Variants in PRAG1 observed in about 807,000 individuals in gnomAD.
The protein encoded by PRAG1 is inactive tyrosine-protein kinase PRAG1.
In PRAG1, 110 loss-of-function variants were observed where a neutral mutation model predicts 95.6. The observed-to-expected ratio is 1.15, with a 90% CI of 0.99 to 1.35. PRAG1 has a LOEUF of 1.35. Ranked by LOEUF, PRAG1 falls within the 40% of genes most tolerant of loss-of-function variation. The probability of loss-of-function intolerance (pLI) is 0.00; values close to 1 mark genes in which losing one functional copy is unlikely to be tolerated. For missense variants in PRAG1, 2,554 were observed against 1,864.7 expected (o/e 1.37, Z -6.81); for synonymous variants, 1,052 against 819.4 (o/e 1.28, Z -4.85).
chr8:8,354,989 C>T (rs557127564), intron 3 of PRAG1, among the ~76,000 whole-genome samples: 7 of 151,916 alleles, frequency 4.6e-5, no homozygotes, highest in African/African-American at 9.6e-5. Flanking sequence ...TAAAATTATC[C>T]GTATTTACAG....
At chr8:8,362,251 G>GCACC (rs1707944079) in intron 3 of PRAG1, among the ~76,000 whole-genome samples, 1 of 152,190 alleles carries the variant, frequency 6.6e-6, no homozygotes, top group South Asian at 2.1e-4. Context: ...ACCACAGGTA[G>GCACC]CACCCACCCA....
intron 3 of PRAG1, among the ~76,000 whole-genome samples, chr8:8,358,714 G>T (rs577067289): frequency 6.6e-6 from 1 of 152,218 alleles, no homozygotes; most frequent in Non-Finnish European, 1.5e-5. Flanking sequence ...ATCCTGCCAC[G>T]AGAGCACACT....
chr8:8,382,987 A>G (rs1800734017), intron 1 of PRAG1, among the ~76,000 whole-genome samples: 7 of 152,184 alleles, frequency 4.6e-5, no homozygotes, highest in Admixed American at 4.6e-4. Flanking sequence ...CATAAGGAGA[A>G]TGTTCAAGAG....
At chr8:8,364,788 G>C (rs1051068775) in intron 3 of PRAG1, among the ~76,000 whole-genome samples, 2 of 151,840 alleles carry the variant, frequency 1.3e-5, no homozygotes, top group Admixed American at 1.3e-4. Context: ...TCAATATTTA[G>C]CGATCAAATG....
intron 3 of PRAG1, among the ~76,000 whole-genome samples, chr8:8,346,698 CG>C (rs951558750): frequency 6.6e-6 from 1 of 152,182 alleles, no homozygotes; most frequent in African/African-American, 2.4e-5. Flanking sequence ...TTAACGGATG[CG>C]GGGCCCCAGT....
In PRAG1 at chr8:8,381,549, A is replaced by G. The variant is rs763504095; in HGVS notation, c.199T>C (p.Cys67Arg). 6.2e-7 allele frequency: 1 copy of G among 1,614,182 alleles called. No homozygotes were observed. The highest frequency in any genetic ancestry group is 8.5e-7 in the Non-Finnish European group (1 of 1,180,010). ...TTCACACCTTCATCTTCCAGGCGGC[A>G]GTTCTCAGGCCTGGGAGGCAGGCGC... The part of the protein sequence containing the change: ...PPRLPPRPEN[C>R]RLEDEGVNSS... Residue 67 changes from cysteine to arginine, a missense_variant, in exon 2 of 6, where the codon TGC becomes CGC. Coordinates refer to ENST00000615670, the MANE Select transcript of PRAG1 (RefSeq NM_001080826.3).
chr8:8,377,901 G>C lies in PRAG1; in HGVS notation c.508C>G (p.Arg170Gly). 1.2e-6 allele frequency: 2 copies of C among 1,614,072 alleles called. No individual in the cohort carries two copies. Among genetic ancestry groups the C allele is most frequent in the Non-Finnish European group, 1.7e-6 (2 of 1,180,010 alleles). The part of the protein sequence containing the change: ...TMVGLHNLEP[R>G]GERNIAFHPV... ...TGGAAGGCAATGTTCCTCTCGCCGC[G>C]GGGCTCAAGGTTGTGCAGGCCGACC... is the stretch of plus-strand genomic sequence containing the variant. Residue 170 changes from arginine (R) to glycine (G), a missense_variant, in exon 3 of 6, where the codon CGC (arginine) becomes GGC (glycine). By Grantham distance (125) the Arg-to-Gly change is moderately radical. Transcript: ENST00000615670.
At chr8:8,365,769 C>T (rs1438354534) in intron 3 of PRAG1, among the ~76,000 whole-genome samples, 1 of 151,120 alleles carries the variant, frequency 6.6e-6, no homozygotes, top group African/African-American at 2.4e-5. Context: ...TTGGGACCAG[C>T]CTGGCCAATG....
Position 8,376,799 on chromosome 8 carries a change from T to G in PRAG1, c.1610A>C (p.Lys537Thr). The G allele has an allele frequency of 2.5e-6, 4 of 1,611,560 alleles. No homozygotes were observed. The highest frequency in any genetic ancestry group is 3.4e-6 in the Non-Finnish European group (4 of 1,179,838). Residue 537 changes from lysine (K) to threonine (T), a missense_variant, in exon 3 of 6, where the codon AAG becomes ACG. Physicochemically the swap from Lys to Thr is moderately conservative, Grantham distance 78. Coordinates refer to ENST00000615670, the MANE Select transcript of PRAG1 (RefSeq NM_001080826.3). ...GGGAATGGCGGGCCTCTCCTTGGGCTTGCTCTCGCTGGCACTGTGAGCATG... is the reference window on the plus strand; with the variant it reads ...GGGAATGGCGGGCCTCTCCTTGGGCGTGCTCTCGCTGGCACTGTGAGCATG... ...ESHAHSASES[K>T]PKERPAIPPK...
At chr8:8,325,692 C>T (rs1032746547) in intron 5 of PRAG1, among the ~76,000 whole-genome samples, 2 of 152,028 alleles carry the variant, frequency 1.3e-5, no homozygotes, top group Non-Finnish European at 2.9e-5. Flanking sequence ...AGGTGGATCA[C>T]AAGGTCAGGA....
chr8:8,375,153 T>C (rs1286820425), intron 3 of PRAG1, among the ~76,000 whole-genome samples: 2 of 151,890 alleles, frequency 1.3e-5, no homozygotes, highest in Non-Finnish European at 2.9e-5. Context: ...AGGGAAGCAG[T>C]AGGGAAAACT....
chr8:8,362,042 C>T (rs975184794), intron 3 of PRAG1, among the ~76,000 whole-genome samples: 1 of 152,208 alleles, frequency 6.6e-6, no homozygotes, highest in Non-Finnish European at 1.5e-5. Context: ...AAATTCCTAA[C>T]CTCACGCACT....
chr8:8,345,692 G>A (rs1452038803), intron 3 of PRAG1, among the ~76,000 whole-genome samples: 1 of 152,170 alleles, frequency 6.6e-6, no homozygotes, highest in South Asian at 2.1e-4. Context: ...CTACTCAGGA[G>A]ACTAAGGCAG....
intron 4 of PRAG1, among the ~76,000 whole-genome samples, chr8:8,329,740 G>C (rs1409949263): frequency 6.6e-6 from 1 of 152,120 alleles, no homozygotes; most frequent in Admixed American, 6.5e-5. Context: ...ATAGATCCCT[G>C]AGGCTCAAAC....
At chr8:8,385,938 G>T (rs1275754650) in intron 1 of PRAG1, among the ~76,000 whole-genome samples, 1 of 151,990 alleles carries the variant, frequency 6.6e-6, no homozygotes, top group Non-Finnish European at 1.5e-5. Flanking sequence ...TCTCCCCCTT[G>T]ACAATACTCT....
chr8:8,353,126 C>A (rs866625429), intron 3 of PRAG1, among the ~76,000 whole-genome samples: 26 of 152,240 alleles, frequency 1.7e-4, no homozygotes, highest in Middle Eastern at 3.4e-3. Context: ...TAGTAGGAGA[C>A]TTCAACACCT....
At chr8:8,324,218 G>A (rs985472347) in intron 5 of PRAG1, among the ~76,000 whole-genome samples, 2 of 152,168 alleles carry the variant, frequency 1.3e-5, no homozygotes, top group Non-Finnish European at 2.9e-5. Context: ...GCTGCCCAGG[G>A]GCCTGGGAAG....
intron 4 of PRAG1, among the ~76,000 whole-genome samples, chr8:8,334,093 T>G (rs1798910204): frequency 1.3e-5 from 2 of 152,178 alleles, no homozygotes; most frequent in Non-Finnish European, 2.9e-5. Flanking sequence ...CAATCTCTTG[T>G]TTGGTTCCAC....
chr8:8,333,412 G>A lies in PRAG1; in HGVS notation c.2321-4951C>T, dbSNP rs368140846. On this transcript the variant is annotated intron_variant, in intron 4 of 5. Transcript: ENST00000615670. ...TTTCTAGTGAGAAGCTACATATCAC[G>A]TATGCTGCACTGGATGGGATCTTAA... 5.9e-5 allele frequency among the ~76,000 whole-genome samples: 9 copies of A among 152,278 alleles called. No individual in the cohort carries two copies. In the East Asian group the frequency reaches 9.6e-4, roughly 16 times the overall value.
Sources: allele counts gnomAD v4.1 joint callset (sites outside exome capture counted in the v4.1 genomes callset), GRCh38; gene constraint gnomAD v4.1.1; transcripts MANE v1.5; gene names NCBI Gene and HGNC (gene_info 2026-07-23, HGNC 2026-07-21).